NTNG1: variants seen among roughly 807,000 people sequenced by gnomAD.
The protein encoded by NTNG1 is netrin-G1.
A neutral mutation model predicts 54.0 loss-of-function variants in NTNG1; 16 were observed. The ratio of observed to expected loss-of-function variants is 0.30; its 90% CI spans 0.20 to 0.45. The LOEUF (loss-of-function observed/expected upper bound fraction) is 0.45, where lower values mean the gene tolerates loss of function less well. NTNG1 is among the 20% of genes least tolerant of loss of function. The pLI is 1.00. For synonymous variants in NTNG1, 255 were observed against 263.1 expected (o/e 0.97, Z 0.30); for missense variants, 530 against 678.7 (o/e 0.78, Z 2.43).
chr1:107,242,346 T>A (rs1319260942), intron 2 of NTNG1, among the ~76,000 whole-genome samples: 1 of 151,998 alleles, frequency 6.6e-6, no homozygotes, highest in Non-Finnish European at 1.5e-5. Context: ...TCTCTTTATC[T>A]CTCTCTCTCA....
chr1:107,476,303 G>T (rs566347870), intron 7 of NTNG1, among the ~76,000 whole-genome samples: 75 of 151,990 alleles, frequency 4.9e-4, no homozygotes, highest in Non-Finnish European at 9.4e-4. Context: ...TTTTTACTTG[G>T]TCTATATTCT....
chr1:107,172,443 G>C (rs1656322452), intron 2 of NTNG1, among the ~76,000 whole-genome samples: 1 of 152,088 alleles, frequency 6.6e-6, no homozygotes, highest in African/African-American at 2.4e-5. Context: ...TTCAAATGCG[G>C]AAGGTAGGAC....
intron 7 of NTNG1, among the ~76,000 whole-genome samples, chr1:107,469,569 G>A (rs955280263): frequency 1.6e-4 from 25 of 151,988 alleles, no homozygotes; most frequent in Non-Finnish European, 2.8e-4. Flanking sequence ...TGCAACCTCC[G>A]TCTCCCAGGT....
chr1:107,142,222 A>G (rs1454491723), intron 1 of NTNG1, among the ~76,000 whole-genome samples: 1 of 152,154 alleles, frequency 6.6e-6, no homozygotes. Flanking sequence ...TAAAATAACC[A>G]ATTAAGTGAT....
chr1:107,351,344 A>G (rs1669585596), intron 3 of NTNG1, among the ~76,000 whole-genome samples: 1 of 152,186 alleles, frequency 6.6e-6, no homozygotes. Context: ...AAGATGTTCA[A>G]TTGACTCACA....
chr1:107,397,685 TC>T (rs1457939853), intron 4 of NTNG1, among the ~76,000 whole-genome samples: 1 of 152,178 alleles, frequency 6.6e-6, no homozygotes, highest in East Asian at 1.9e-4. Flanking sequence ...GACAGTCTTG[TC>T]CATTGTTGGA....
chr1:107,344,891 G>A (rs761095987), intron 3 of NTNG1, among the ~76,000 whole-genome samples: 2 of 152,092 alleles, frequency 1.3e-5, no homozygotes, highest in Non-Finnish European at 2.9e-5. Flanking sequence ...TTACAGTGTA[G>A]CAATCTGCTT....
At chr1:107,363,234 G>A (rs1242730312) in intron 3 of NTNG1, among the ~76,000 whole-genome samples, 1 of 152,116 alleles carries the variant, frequency 6.6e-6, no homozygotes, top group African/African-American at 2.4e-5. Context: ...TCATTGGATG[G>A]TTTTCTGAAG....
At chr1:107,145,608 G>T (rs540019205) in intron 1 of NTNG1, among the ~76,000 whole-genome samples, 1 of 152,102 alleles carries the variant, frequency 6.6e-6, no homozygotes, top group Non-Finnish European at 1.5e-5. Context: ...ATTAGTGCTT[G>T]CCAAAGCTTG....
intron 2 of NTNG1, among the ~76,000 whole-genome samples, chr1:107,205,654 A>G (rs6673296): frequency 0.049 from 7,388 of 152,154 alleles, 577 homozygotes; most frequent in African/African-American, 0.17. Flanking sequence ...TCCGTCTAAC[A>G]TACACGCAGA....
intron 3 of NTNG1, among the ~76,000 whole-genome samples, chr1:107,346,760 CT>C (rs1669264915): frequency 6.6e-6 from 1 of 151,790 alleles, no homozygotes; most frequent in Non-Finnish European, 1.5e-5. Flanking sequence ...AATCTTGCCC[CT>C]ATAACAGCCA....
chr1:107,243,568 G>A (rs560133587), intron 2 of NTNG1, among the ~76,000 whole-genome samples: 22 of 152,212 alleles, frequency 1.4e-4, no homozygotes, highest in African/African-American at 3.9e-4. Context: ...TTTGTGTTTC[G>A]TTTTTTGAGA....
At chr1:107,176,649 T>C (rs1397383446) in intron 2 of NTNG1, among the ~76,000 whole-genome samples, 1 of 152,188 alleles carries the variant, frequency 6.6e-6, no homozygotes, top group African/African-American at 2.4e-5. Flanking sequence ...ATGTTAGGAA[T>C]TGACTAACAT....
chr1:107,146,793 A>G, intron 1 of NTNG1, among the ~76,000 whole-genome samples: 1 of 152,050 alleles, frequency 6.6e-6, no homozygotes, highest in East Asian at 1.9e-4. Flanking sequence ...AACACAATTC[A>G]ACCATCTGTT....
intron 2 of NTNG1, among the ~76,000 whole-genome samples, chr1:107,171,823 T>C (rs1656262418): frequency 6.6e-6 from 1 of 152,206 alleles, no homozygotes; most frequent in South Asian, 2.1e-4. Context: ...TGACCAGAGT[T>C]ACCAGCGATT....
At chr1:107,469,258 C>T (rs1677821874) in intron 7 of NTNG1, among the ~76,000 whole-genome samples, 1 of 152,034 alleles carries the variant, frequency 6.6e-6, no homozygotes. Context: ...TTCATGCTTC[C>T]ATTATCAAAC....
At chr1:107,297,246 TGCGC>T (rs776054858) in intron 2 of NTNG1, among the ~76,000 whole-genome samples, 1,358 of 66,920 alleles carry the variant, frequency 0.02, 55 homozygotes, top group African/African-American at 0.069. Flanking sequence ...TATATATATA[TGCGC>T]ACACACACAC....
intron 7 of NTNG1, among the ~76,000 whole-genome samples, chr1:107,446,478 C>A (rs778553558): frequency 6.6e-6 from 1 of 152,030 alleles, no homozygotes; most frequent in Non-Finnish European, 1.5e-5. Context: ...GAGACAATTA[C>A]AGTAATAATA....
At chr1:107,453,699 C>T (rs761975914) in intron 7 of NTNG1, among the ~76,000 whole-genome samples, 2 of 152,174 alleles carry the variant, frequency 1.3e-5, no homozygotes, top group Non-Finnish European at 1.5e-5. Flanking sequence ...GACTCTTACA[C>T]ATAAAAACTC....
Sources: gnomAD v4.1 joint callset for allele counts (sites outside exome capture counted in the v4.1 genomes callset) on GRCh38, gnomAD v4.1.1 for gene constraint, MANE v1.5 for transcripts, NCBI Gene and HGNC (gene_info 2026-07-23, HGNC 2026-07-21) for gene names.